DARS1: variants seen among roughly 807,000 people sequenced by gnomAD.
DARS1 encodes the protein aspartyl-tRNA synthetase 1, also known as aspartate--tRNA ligase, cytoplasmic.
Under a neutral mutation model 68.8 loss-of-function variants are expected in DARS1, and 51 were observed. That is an observed-to-expected ratio of 0.74 (90% CI 0.59 to 0.94). The LOEUF is 0.94. Among genes scored for constraint, DARS1 ranks in the 40% least tolerant of loss-of-function variants. The probability of loss-of-function intolerance (pLI) is 0.00; values close to 1 mark genes in which losing one functional copy is unlikely to be tolerated. For missense variants in DARS1, 607 were observed against 597.3 expected, an observed-to-expected ratio of 1.02 and a Z score of -0.17; for synonymous variants, 203 against 190.4, an observed-to-expected ratio of 1.07 and a Z score of -0.55.
chr2:135,958,826 C>A (rs1484118568), intron 4 of DARS1, among the ~76,000 whole-genome samples: 1 of 152,012 alleles, frequency 6.6e-6, no homozygotes. Flanking sequence ...ACATGTTGAA[C>A]CTATTGTATA....
At chr2:135,933,868 A>T (rs760019611) in intron 6 of DARS1, 42 bp downstream of exon 6, 1 of 1,587,162 alleles carries the variant, frequency 6.3e-7, no homozygotes, top group South Asian at 1.1e-5. Flanking sequence ...TGCAAACTAA[A>T]TATACAGCGG....
intron 5 of DARS1, among the ~76,000 whole-genome samples, chr2:135,942,414 A>G (rs1681622143): frequency 6.6e-6 from 1 of 150,928 alleles, no homozygotes; most frequent in Non-Finnish European, 1.5e-5. Context: ...GCAGAAAACC[A>G]AACACCGCAT....
At chr2:135,933,874 A>C (rs1189835380) in intron 6 of DARS1, 36 bp downstream of exon 6, 1 of 1,595,684 alleles carries the variant, frequency 6.3e-7, no homozygotes, top group East Asian at 2.3e-5. Context: ...CTAAATATAC[A>C]GCGGAAGCAT....
chr2:135,985,118 C>T, intron 1 of DARS1: 1 of 502,862 alleles, frequency 2.0e-6, no homozygotes, highest in Non-Finnish European at 3.6e-6. Flanking sequence ...TCAAGTGTGA[C>T]GCCGCGCTCC....
intron 15 of DARS1, among the ~76,000 whole-genome samples, chr2:135,910,070 T>TG (rs568808440): frequency 1.0e-3 from 152 of 152,320 alleles, no homozygotes; most frequent in African/African-American, 1.9e-3. Flanking sequence ...CATCCACTGA[T>TG]GGACACTAAG....
intron 10 of DARS1, among the ~76,000 whole-genome samples, chr2:135,919,706 G>T (rs981319841): frequency 6.6e-6 from 1 of 152,106 alleles, no homozygotes; most frequent in Non-Finnish European, 1.5e-5. Flanking sequence ...GAGGGTGTAG[G>T]TGAAGTGCAC....
At chr2:135,908,404 T>TA (rs1474566924) in intron 15 of DARS1, among the ~76,000 whole-genome samples, 1 of 152,120 alleles carries the variant, frequency 6.6e-6, no homozygotes, top group African/African-American at 2.4e-5. Context: ...CTATAACTCT[T>TA]AAAAAAAATC....
chr2:135,923,826 T>C (rs963101895), intron 8 of DARS1, among the ~76,000 whole-genome samples: 5 of 152,128 alleles, frequency 3.3e-5, no homozygotes, highest in Admixed American at 2.6e-4. Flanking sequence ...GAGACCAGCC[T>C]GACCAACATG....
At chr2:135,929,471 A>G (rs1681295789) in intron 7 of DARS1, among the ~76,000 whole-genome samples, 1 of 152,218 alleles carries the variant, frequency 6.6e-6, no homozygotes, top group Admixed American at 6.5e-5. Context: ...AATATCCATG[A>G]AAACATGGAT....
intron 3 of DARS1, among the ~76,000 whole-genome samples, chr2:135,967,286 G>GGAAAATATTT: frequency 6.6e-6 from 1 of 152,130 alleles, no homozygotes; most frequent in South Asian, 2.1e-4. Flanking sequence ...TCCACTTATT[G>GGAAAATATTT]CTTCCCCTGA....
intron 4 of DARS1, among the ~76,000 whole-genome samples, chr2:135,949,609 G>A (rs1027108385): frequency 4.6e-5 from 7 of 152,110 alleles, no homozygotes; most frequent in Non-Finnish European, 1.0e-4. Flanking sequence ...CCTGTTCCTA[G>A]AACCTCTAGG....
intron 3 of DARS1, among the ~76,000 whole-genome samples, chr2:135,970,341 T>C (rs1265729608): frequency 6.6e-6 from 1 of 151,258 alleles, no homozygotes; most frequent in African/African-American, 2.4e-5. Flanking sequence ...TGAGAAATTC[T>C]GGAAACTATA....
chr2:135,944,762 T>C (rs1260597195), intron 4 of DARS1, among the ~76,000 whole-genome samples: 1 of 152,194 alleles, frequency 6.6e-6, no homozygotes, highest in Admixed American at 6.5e-5. Context: ...GAGGCTCCAG[T>C]GGACTGTTAC....
chr2:135,935,044 C>T (rs1182116626), intron 5 of DARS1, among the ~76,000 whole-genome samples: 1 of 151,932 alleles, frequency 6.6e-6, no homozygotes, highest in Non-Finnish European at 1.5e-5. Context: ...CTGCAATGGC[C>T]TCCCAAAGTT....
rs142122837 is a variant in DARS1, at chr2:135,965,581, A to C, written c.218-4083T>G. ...AAAATATAAAATCGAATTATTACTC[A>C]ATGCTTGGGAGAATTAAAATCGTAA... On this transcript the variant is annotated intron_variant, in intron 3 of 15. Transcript: ENST00000264161. Among the ~76,000 whole-genome samples, 4 of 152,356 alleles carry C rather than the reference A, an allele frequency of 2.6e-5. No individual in the cohort carries two copies. In the East Asian group the frequency reaches 7.7e-4, roughly 29 times the overall value.
At chr2:135,930,693 C>T (rs569033849) in intron 7 of DARS1, among the ~76,000 whole-genome samples, 1 of 152,248 alleles carries the variant, frequency 6.6e-6, no homozygotes, top group South Asian at 2.1e-4. Flanking sequence ...TTTGAACCAA[C>T]GAATCCATTT....
chr2:135,985,168 C>T, intron 1 of DARS1: 1 of 600,658 alleles, frequency 1.7e-6, no homozygotes, highest in South Asian at 3.0e-5. Flanking sequence ...CTCCCCACCC[C>T]GGGGACACGC....
chr2:135,940,937 G>A (rs1681581931), intron 5 of DARS1, among the ~76,000 whole-genome samples: 1 of 152,060 alleles, frequency 6.6e-6, no homozygotes, highest in South Asian at 2.1e-4. Flanking sequence ...AAAATACCTA[G>A]GAATCCAACT....
chr2:135,944,575 T>TAAAAAAAA (rs528997555), intron 4 of DARS1, among the ~76,000 whole-genome samples: 1 of 147,358 alleles, frequency 6.8e-6, no homozygotes, highest in Non-Finnish European at 1.5e-5. Flanking sequence ...CCAACTAACT[T>TAAAAAAAA]AAAAAAAAAA....
Sources: allele counts gnomAD v4.1 joint callset (sites outside exome capture counted in the v4.1 genomes callset), GRCh38; gene constraint gnomAD v4.1.1; transcripts MANE v1.5; gene names NCBI Gene and HGNC (gene_info 2026-07-23, HGNC 2026-07-21).